SCN2A: variants seen among roughly 807,000 people sequenced by gnomAD.
SCN2A encodes the protein sodium voltage-gated channel alpha subunit 2.
SCN2A carries 20 observed loss-of-function variants against 188.7 expected under a neutral mutation model. That is an observed-to-expected ratio of 0.11 (90% CI 0.07 to 0.15). The LOEUF (loss-of-function observed/expected upper bound fraction) is 0.15, where lower values mean the gene tolerates loss of function less well. SCN2A is among the 10% of genes least tolerant of loss of function. The pLI, the probability that SCN2A is intolerant of heterozygous loss-of-function variation, is 1.00. For missense variants in SCN2A, 1,278 were observed against 2,445.0 expected, an observed-to-expected ratio of 0.52 and a Z score of 10.07; for synonymous variants, 804 against 833.1, an observed-to-expected ratio of 0.97 and a Z score of 0.60.
chr2:165,371,632 A>G (rs1386913768), intron 20 of SCN2A: 1 of 152,226 alleles, frequency 6.6e-6, no homozygotes, highest in Admixed American at 6.5e-5. Context: ...AGAAACAAGT[A>G]GATAGGGTGA....
intron 1 of SCN2A, among the ~76,000 whole-genome samples, chr2:165,243,192 A>G (rs771599848): frequency 6.6e-6 from 1 of 152,186 alleles, no homozygotes; most frequent in Non-Finnish European, 1.5e-5. Context: ...TCTATTATAC[A>G]TATCTAGTTT....
At position 165,372,999 on chromosome 2, in the gene SCN2A, C is replaced by T. The variant is rs12692768; in HGVS notation, c.3850-226C>T. 0.29 allele frequency: 136,319 copies of T among 468,326 alleles called. 20,849 individuals are homozygous for T. Among genetic ancestry groups the T allele is most frequent in the Middle Eastern group, 0.4 (637 of 1,580 alleles). The allele number at this position is 468,326 out of a possible 1,614,324, so 29.0% of individuals were successfully genotyped here. A position where few individuals can be genotyped will look rare whatever the true frequency, so the allele number is the denominator to read the frequency against. ...CTTCTTTTTTATAAGTGTTCGCAGA[C>T]TAGTATCATTAACTTCACCCTGGGA... is the stretch of plus-strand genomic sequence containing the variant. On this transcript the variant is annotated intron_variant, in intron 20 of 26. Coordinates refer to ENST00000375437, the MANE Select transcript of SCN2A (RefSeq NM_001040142.2).
At position 165,295,784 on chromosome 2, in the gene SCN2A, G is replaced by A. The variant is rs1300705827; in HGVS notation, c.-40G>A. On this transcript the variant is annotated 5_prime_UTR_variant, in exon 2 of 27. The change abolishes an upstream ATG in the 5' untranslated region. Coordinates refer to ENST00000375437, the MANE Select transcript of SCN2A (RefSeq NM_001040142.2). The stretch of plus-strand genomic sequence containing the variant: ...CCCTGTTTCTGTAGCACTTTCTTAT[G>A]CAAGGAGCTAAACAGTGATTAAAGG... The A allele has an allele frequency of 6.2e-7, 1 of 1,613,544 alleles. No individual in the cohort carries two copies. Among genetic ancestry groups the A allele is most frequent in the Non-Finnish European group, 8.5e-7 (1 of 1,179,946 alleles).
At chr2:165,274,637 G>A (rs1375392097) in intron 1 of SCN2A, among the ~76,000 whole-genome samples, 1 of 152,100 alleles carries the variant, frequency 6.6e-6, no homozygotes, top group African/African-American at 2.4e-5. Context: ...ATTGTACCCT[G>A]GTTAAAAACA....
At position 165,295,760 on chromosome 2, in the gene SCN2A, C is replaced by T; in HGVS notation, c.-51-13C>T. The T allele has an allele frequency of 6.2e-7, 1 of 1,611,590 alleles. No homozygotes were observed. Among genetic ancestry groups the T allele is most frequent in the South Asian group, 1.1e-5 (1 of 90,380 alleles). On this transcript the variant is annotated splice_polypyrimidine_tract_variant and intron_variant, in intron 1 of 26. Transcript: ENST00000375437. ...TAATGGTCATTGCTTTTTTTCCCTC[C>T]CTGTTTCTGTAGCACTTTCTTATGC... is the stretch of plus-strand genomic sequence containing the variant.
intron 5 of SCN2A, 69 bp from the exon 6 acceptor site, chr2:165,309,283 A>G: frequency 1.2e-6 from 2 of 1,612,264 alleles, no homozygotes. Context: ...ATAAGGTGGT[A>G]GGCCCCTTAT....
At position 165,323,271 on chromosome 2, in the gene SCN2A, A is replaced by T; in HGVS notation, c.1787A>T (p.Asp596Val). The T allele has an allele frequency of 6.2e-7, 1 of 1,614,184 alleles. No homozygotes were observed. Among genetic ancestry groups the T allele is most frequent in the Non-Finnish European group, 8.5e-7 (1 of 1,180,046 alleles). Residue 596 changes from aspartate to valine, a missense_variant, in exon 12 of 27, where the codon GAT becomes GTT. Asp to Val is a radical substitution (Grantham distance 152). This residue lies in a region of SCN2A where 315 missense variants were observed against 386.6 expected (regional missense o/e 0.81). Transcript: ENST00000375437. ...GGCTCTGAGAATGACTTTGCTGATG[A>T]TGAGCACAGCACCTTTGAGGACAAT... ...DIGSENDFADDEHSTFEDNDS... is the reference protein window; with the variant it reads ...DIGSENDFADVEHSTFEDNDS...
chr2:165,356,677 A>T (rs1245568171), intron 17 of SCN2A, among the ~76,000 whole-genome samples: 2 of 152,230 alleles, frequency 1.3e-5, no homozygotes, highest in Non-Finnish European at 2.9e-5. Flanking sequence ...AAGTTTCAGT[A>T]TCTTTTGAGG....
At chr2:165,246,667 T>C (rs571706439) in intron 1 of SCN2A, among the ~76,000 whole-genome samples, 1 of 152,298 alleles carries the variant, frequency 6.6e-6, no homozygotes, top group South Asian at 2.1e-4. Context: ...TCAGTGTTTT[T>C]TTGTTTGGTT....
chr2:165,351,873 T>G (rs76090185), intron 16 of SCN2A, among the ~76,000 whole-genome samples: 1 of 147,676 alleles, frequency 6.8e-6, no homozygotes, highest in African/African-American at 2.5e-5. Context: ...CTGTGCTTGT[T>G]TTTTTTTTTT....
At position 165,308,732 on chromosome 2, in the gene SCN2A, A is replaced by C. The variant is rs796053170; in HGVS notation, c.543A>C (p.Leu181Phe). The C allele has an allele frequency of 1.3e-5, 21 of 1,612,952 alleles. No homozygotes were observed. Among genetic ancestry groups the C allele is most frequent in the Non-Finnish European group, 1.8e-5 (21 of 1,179,118 alleles). ...AAATACTTGCAAGGGGCTTTTGTTT[A>C]GAAGATTTCACATTTTTACGGGATC... ...LIKILARGFCLEDFTFLRDPW... is the reference protein window; with the variant it reads ...LIKILARGFCFEDFTFLRDPW... Residue 181 changes from leucine (L) to phenylalanine (F), a missense_variant, in exon 5 of 27, where the codon TTA (leucine) becomes TTC (phenylalanine). Leu to Phe is a conservative substitution (Grantham distance 22, BLOSUM62 0). This residue lies in a region of SCN2A where 37 missense variants were observed against 154.9 expected (regional missense o/e 0.24). Transcript: ENST00000375437.
At chr2:165,329,553 T>C (rs1050780257) in intron 13 of SCN2A, among the ~76,000 whole-genome samples, 3 of 152,196 alleles carry the variant, frequency 2.0e-5, no homozygotes, top group Admixed American at 1.3e-4. Flanking sequence ...ATTCCTACTG[T>C]CAAGATGAGC....
chr2:165,277,506 A>G (rs1372913953), intron 1 of SCN2A, among the ~76,000 whole-genome samples: 1 of 151,422 alleles, frequency 6.6e-6, no homozygotes. Flanking sequence ...TATTTGGTCT[A>G]TCTTGCTGAA....
In SCN2A at chr2:165,386,855, A is replaced by G. The variant is rs796053200; in HGVS notation, c.4661A>G (p.Asp1554Gly). 3 of 1,613,992 alleles carry G rather than the reference A, an allele frequency of 1.9e-6. No homozygotes were observed. The highest frequency in any genetic ancestry group is 2.5e-6 in the Non-Finnish European group (3 of 1,179,952). The stretch of plus-strand genomic sequence containing the variant: ...GTCACCATGATGGTGGAAACCGATG[A>G]CCAGAGTCAAGAAATGACAAACATT... ...NMVTMMVETD[D>G]QSQEMTNILY... The change falls in exon 26 of 27, where the codon GAC becomes GGC. Residue 1554 changes from aspartate to glycine, a missense_variant. Physicochemically the swap from Asp to Gly is moderately conservative, Grantham distance 94 (BLOSUM62 -1). Coordinates refer to ENST00000375437, the MANE Select transcript of SCN2A (RefSeq NM_001040142.2).
chr2:165,286,891 G>T (rs1157001628), intron 1 of SCN2A, among the ~76,000 whole-genome samples: 1 of 152,104 alleles, frequency 6.6e-6, no homozygotes, highest in Non-Finnish European at 1.5e-5. Flanking sequence ...TTGGGGATTT[G>T]CTCACATCTC....
At chr2:165,255,996 TTTTC>T (rs961016895) in intron 1 of SCN2A, among the ~76,000 whole-genome samples, 2 of 118,758 alleles carry the variant, frequency 1.7e-5, no homozygotes, top group African/African-American at 6.8e-5. Flanking sequence ...TTTGGGGCTC[TTTTC>T]TTTTTTTTTT....
At chr2:165,262,428 C>A (rs891580920) in intron 1 of SCN2A, among the ~76,000 whole-genome samples, 1 of 152,108 alleles carries the variant, frequency 6.6e-6, no homozygotes, top group African/African-American at 2.4e-5. Context: ...GCCTTTGCAT[C>A]CTCATAGCTT....
intron 3 of SCN2A, among the ~76,000 whole-genome samples, chr2:165,299,768 A>T (rs1230513473): frequency 2.6e-5 from 4 of 152,218 alleles, no homozygotes; most frequent in African/African-American, 9.6e-5. Flanking sequence ...ACTGTAAGTT[A>T]AAAATGCTTG....
At chr2:165,324,824 T>C (rs1574595465) in intron 12 of SCN2A, among the ~76,000 whole-genome samples, 1 of 152,156 alleles carries the variant, frequency 6.6e-6, no homozygotes, top group Non-Finnish European at 1.5e-5. Context: ...AAATATTGCC[T>C]CCCACTGAGT....
Sources: gnomAD v4.1 joint callset for allele counts (sites outside exome capture counted in the v4.1 genomes callset) on GRCh38, gnomAD v4.1.1 for gene constraint, gnomAD v4.1.1 regional missense constraint, MANE v1.5 for transcripts, NCBI Gene and HGNC (gene_info 2026-07-23, HGNC 2026-07-21) for gene names.